The following TTC23 variants were observed in gnomAD, a reference collection of about 807,000 sequenced individuals.
TTC23 encodes tetratricopeptide repeat protein 23.
Under a neutral mutation model 55.1 loss-of-function variants are expected in TTC23, and 58 were observed. The observed-to-expected ratio is 1.05, with a 90% CI of 0.85 to 1.31. The LOEUF (loss-of-function observed/expected upper bound fraction) is 1.31. Ranked by LOEUF, TTC23 falls within the 50% of genes most tolerant of loss-of-function variation. The probability of loss-of-function intolerance (pLI) is 0.00; values close to 1 mark genes in which losing one functional copy is unlikely to be tolerated. For missense variants in TTC23, 516 were observed against 534.4 expected (o/e 0.97, Z 0.34); for synonymous variants, 203 against 199.9 (o/e 1.02, Z -0.13).
At chr15:99,223,989 A>C (rs998142610) in intron 5 of TTC23, among the ~76,000 whole-genome samples, 6 of 152,186 alleles carry the variant, frequency 3.9e-5, no homozygotes, top group African/African-American at 1.4e-4. Context: ...TACACCTAGG[A>C]TGCACGCCCA....
At chr15:99,207,342 T>A (rs1413167685) in intron 8 of TTC23, among the ~76,000 whole-genome samples, 1 of 152,134 alleles carries the variant, frequency 6.6e-6, no homozygotes, top group Non-Finnish European at 1.5e-5. Flanking sequence ...TTAAGAAAAA[T>A]GCAAATAGCT....
intron 12 of TTC23, among the ~76,000 whole-genome samples, chr15:99,143,018 T>C (rs2068426678): frequency 6.6e-6 from 1 of 152,130 alleles, no homozygotes; most frequent in Non-Finnish European, 1.5e-5. Flanking sequence ...ACTAAGGAGA[T>C]TTGTCCAAAA....
chr15:99,251,181 C>T (rs899842554), upstream of TTC23: 4 of 152,542 alleles, frequency 2.6e-5, 1 homozygote, highest in Admixed American at 2.6e-4. Flanking sequence ...GCAAAAGCCA[C>T]TCCGTCGACA....
chr15:99,169,794 C>G (rs974062302), intron 10 of TTC23, among the ~76,000 whole-genome samples: 1 of 152,146 alleles, frequency 6.6e-6, no homozygotes, highest in East Asian at 1.9e-4. Flanking sequence ...TATACATATT[C>G]GTGCATAGGA....
At chr15:99,237,667 A>T (rs2079432193) in intron 3 of TTC23, among the ~76,000 whole-genome samples, 1 of 152,156 alleles carries the variant, frequency 6.6e-6, no homozygotes, top group Non-Finnish European at 1.5e-5. Flanking sequence ...GACGGGACAC[A>T]AGAGGGAGGA....
At chr15:99,154,292 A>G (rs1555498244) in intron 12 of TTC23, among the ~76,000 whole-genome samples, 2 of 152,356 alleles carry the variant, frequency 1.3e-5, no homozygotes, top group Admixed American at 6.5e-5. Context: ...AAATCCTAAA[A>G]TAAATGTTAG....
rs569804099 is a variant in TTC23, at chr15:99,248,787, AT to A, written c.-431+383del. ...ATGTTCATCAACGTTTCCTTGATAAATTCTTTTGTATTTGTTTTAATTAAAA... is the reference window on the plus strand; with the variant it reads ...ATGTTCATCAACGTTTCCTTGATAAATCTTTTGTATTTGTTTTAATTAAAA... On this transcript the variant is annotated intron_variant, in intron 1 of 13. Coordinates refer to ENST00000394132, the MANE Select transcript of TTC23 (RefSeq NM_001288615.3). Among the ~76,000 whole-genome samples, 19 of 152,312 alleles carry A rather than the reference AT, an allele frequency of 1.2e-4. No homozygotes were observed. In the South Asian group the frequency reaches 3.9e-3, roughly 32 times the overall value.
chr15:99,147,447 G>C (rs546553925), intron 12 of TTC23, among the ~76,000 whole-genome samples: 2 of 150,334 alleles, frequency 1.3e-5, no homozygotes, highest in African/African-American at 4.9e-5. Flanking sequence ...GGATGGTCTC[G>C]ATCTCCTGAC....
intron 8 of TTC23, among the ~76,000 whole-genome samples, chr15:99,209,998 C>T (rs773187667): frequency 3.9e-5 from 6 of 152,082 alleles, no homozygotes; most frequent in Admixed American, 6.6e-5. Context: ...TCAAATGGTC[C>T]GCCTGCTTCG....
At chr15:99,210,215 G>A (rs2076937790) in intron 8 of TTC23, among the ~76,000 whole-genome samples, 1 of 151,800 alleles carries the variant, frequency 6.6e-6, no homozygotes. Context: ...ACATTATAAG[G>A]GTATAATGTC....
intron 9 of TTC23, among the ~76,000 whole-genome samples, chr15:99,197,603 A>G (rs2075851459): frequency 6.6e-6 from 1 of 152,130 alleles, no homozygotes; most frequent in Non-Finnish European, 1.5e-5. Context: ...AAACAGTGAA[A>G]GGTATCAAAA....
intron 9 of TTC23, among the ~76,000 whole-genome samples, chr15:99,188,305 T>C (rs1004801999): frequency 3.9e-5 from 6 of 152,010 alleles, no homozygotes; most frequent in Non-Finnish European, 5.9e-5. Context: ...TCCATAGAGA[T>C]AGAAAGTAAA....
chr15:99,213,003 AAAAG>A (rs1214046314), intron 8 of TTC23, among the ~76,000 whole-genome samples: 1 of 131,482 alleles, frequency 7.6e-6, no homozygotes, highest in African/African-American at 2.8e-5. Flanking sequence ...AAAAAAAAAA[AAAAG>A]GGGGGGACAT....
Position 99,156,255 on chromosome 15 carries a change from C to G in TTC23, c.1036G>C (p.Glu346Gln). Reference protein sequence around the residue: ...ILRESLEAKVEAFGDFSPEVA... With the variant: ...ILRESLEAKVQAFGDFSPEVA... The stretch of plus-strand genomic sequence containing the variant: ...TCGGGACTGAAATCGCCAAATGCTT[C>G]CACTTTGGCTTCCAGGGACTCTCTC... Residue 346 changes from glutamate (E) to glutamine (Q), a missense_variant, in exon 12 of 14, where the codon GAA becomes CAA. Physicochemically the swap from Glu to Gln is conservative, Grantham distance 29. Transcript: ENST00000394132. 6.2e-7 allele frequency: 1 copy of G among 1,614,242 alleles called. No individual in the cohort carries two copies. The highest frequency in any genetic ancestry group is 1.3e-5 in the African/African-American group (1 of 75,060).
At chr15:99,169,905 G>A (rs1596375041) in intron 10 of TTC23, among the ~76,000 whole-genome samples, 1 of 152,162 alleles carries the variant, frequency 6.6e-6, no homozygotes, top group Admixed American at 6.5e-5. Context: ...AGAACTCCCC[G>A]GCCTGCAAGA....
In TTC23 at chr15:99,161,789, G is replaced by C. The variant is rs777264479; in HGVS notation, c.944C>G (p.Ser315Ter). 2.2e-5 allele frequency: 36 copies of C among 1,613,580 alleles called. No homozygotes were observed. The Middle Eastern group carries it at 6.6e-4, about 30-fold the overall frequency. Residue 315 changes from serine to a stop codon, truncating the protein, a stop_gained, in exon 11 of 14, where the codon TCA (serine) becomes TGA (stop). Transcript: ENST00000394132. LOFTEE classifies it high-confidence loss of function. ...SEGMGRTKFL[S>*]IQDEFCHFLQ... ...AAAATGGCAAAATTCATCTTGAATT[G>C]AAAGAAATTTGGTTCTTCCCATCCC...
intron 9 of TTC23, among the ~76,000 whole-genome samples, chr15:99,176,807 T>C (rs1047520645): frequency 1.3e-5 from 2 of 152,226 alleles, no homozygotes; most frequent in African/African-American, 4.8e-5. Flanking sequence ...TTATGATATC[T>C]CACAGCTAAT....
intron 2 of TTC23, among the ~76,000 whole-genome samples, chr15:99,243,372 G>A (rs1025343250): frequency 2.0e-5 from 3 of 152,144 alleles, no homozygotes; most frequent in Admixed American, 6.5e-5. Flanking sequence ...GTGGACAAAG[G>A]GGGACACTCA....
intron 10 of TTC23, among the ~76,000 whole-genome samples, chr15:99,166,131 C>A (rs1378300350): frequency 6.6e-6 from 1 of 152,202 alleles, no homozygotes; most frequent in East Asian, 1.9e-4. Context: ...CACTGCCATG[C>A]TCAGGGAAAG....
Sources: allele counts gnomAD v4.1 joint callset (sites outside exome capture counted in the v4.1 genomes callset), GRCh38; gene constraint gnomAD v4.1.1; transcripts MANE v1.5; gene names NCBI Gene and HGNC (gene_info 2026-07-23, HGNC 2026-07-21).